The following CD8B2 variants were observed in gnomAD, a reference collection of about 807,000 sequenced individuals.
CD8B2 encodes the protein T-cell surface glycoprotein CD8 beta-2 chain.
Under a neutral mutation model 23.7 loss-of-function variants are expected in CD8B2, and 11 were observed. The ratio of observed to expected loss-of-function variants is 0.46; its 90% CI spans 0.29 to 0.77. The LOEUF (loss-of-function observed/expected upper bound fraction) is 0.77. Ranked by LOEUF, CD8B2 falls within the 30% of genes least tolerant of loss-of-function variation. The pLI, the probability that CD8B2 is intolerant of heterozygous loss-of-function variation, is 0.09. For synonymous variants in CD8B2, 90 were observed against 109.3 expected, an observed-to-expected ratio of 0.82 and a Z score of 1.10; for missense variants, 197 against 270.5, an observed-to-expected ratio of 0.73 and a Z score of 1.91.
At chr2:106,490,410 T>TC (rs1679171036) in intron 1 of CD8B2, among the ~76,000 whole-genome samples, 1 of 152,092 alleles carries the variant, frequency 6.6e-6, no homozygotes, top group Non-Finnish European at 1.5e-5. Flanking sequence ...GCCTATAGTC[T>TC]CAGCTACTTG....
chr2:106,520,117 C>G (rs1025701340), intron 5 of CD8B2, among the ~76,000 whole-genome samples: 1 of 152,208 alleles, frequency 6.6e-6, no homozygotes, highest in African/African-American at 2.4e-5. Context: ...TCCAAACACT[C>G]TCTCTCACGA....
chr2:106,533,989 T>A (rs1680048637), intron 5 of CD8B2, among the ~76,000 whole-genome samples: 1 of 152,242 alleles, frequency 6.6e-6, no homozygotes, highest in Non-Finnish European at 1.5e-5. Flanking sequence ...GAGCACTTAC[T>A]ATGTGGCAAG....
intron 5 of CD8B2, among the ~76,000 whole-genome samples, chr2:106,534,110 G>A (rs924832732): frequency 6.6e-6 from 1 of 152,202 alleles, no homozygotes; most frequent in Non-Finnish European, 1.5e-5. Context: ...TGGGTGGAGC[G>A]AGGCCTGGGC....
intron 5 of CD8B2, among the ~76,000 whole-genome samples, chr2:106,539,825 T>TG (rs556475612): frequency 2.4e-4 from 37 of 152,120 alleles, no homozygotes; most frequent in Admixed American, 3.9e-4. Context: ...CTTTGCCAAG[T>TG]GGGAAAAAAA....
Position 106,510,104 on chromosome 2 carries a change from A to G in CD8B2, c.*3164A>G, listed in dbSNP as rs1003116955. 6.6e-6 allele frequency: 1 copy of G among 152,240 alleles called. No homozygotes were observed. Among genetic ancestry groups the G allele is most frequent in the African/African-American group, 2.4e-5 (1 of 41,476 alleles). 9.4% of individuals were successfully genotyped at this position (152,240 alleles called of 1,614,324 possible). A position where few individuals can be genotyped will look rare whatever the true frequency, so the allele number is the denominator to read the frequency against. On this transcript the variant is annotated 3_prime_UTR_variant, in exon 6 of 6. Transcript: ENST00000643224. Reference sequence around the variant, plus strand: ...CTGTATAGATTATTCTTAATACAATATATGGCGCAATACGTAGTCACTGTT... The same window carrying G: ...CTGTATAGATTATTCTTAATACAATGTATGGCGCAATACGTAGTCACTGTT...
chr2:106,525,567 G>A (rs1305854586), intron 5 of CD8B2, among the ~76,000 whole-genome samples: 1 of 152,172 alleles, frequency 6.6e-6, no homozygotes. Context: ...TATAGATAGT[G>A]TTCTACCACG....
intron 3 of CD8B2, among the ~76,000 whole-genome samples, chr2:106,502,184 T>C (rs1679420332): frequency 6.7e-6 from 1 of 148,570 alleles, no homozygotes; most frequent in Non-Finnish European, 1.5e-5. Flanking sequence ...TAATCCCAGC[T>C]ACTCGGGAGG....
At chr2:106,524,144 T>C (rs1679872878) in intron 5 of CD8B2, among the ~76,000 whole-genome samples, 1 of 152,294 alleles carries the variant, frequency 6.6e-6, no homozygotes, top group Middle Eastern at 3.4e-3. Context: ...TTGCTAGAGA[T>C]AGTGGCTTGA....
At chr2:106,535,867 G>A (rs1005134785) in intron 5 of CD8B2, among the ~76,000 whole-genome samples, 1 of 152,066 alleles carries the variant, frequency 6.6e-6, no homozygotes, top group African/African-American at 2.4e-5. Context: ...GAGGGTTAAT[G>A]GGCTGACAGT....
Position 106,502,294 on chromosome 2 carries a change from CAAA to C in CD8B2, c.494-157_494-155del, listed in dbSNP as rs547491786. Among the ~76,000 whole-genome samples the C allele has an allele frequency of 1.4e-4, 10 of 69,462 alleles. 1 individual carries two copies. In the Middle Eastern group the frequency reaches 0.031, roughly 217 times the overall value. The allele number at this position is 69,462 out of a possible 152,430, so 45.6% of individuals were successfully genotyped here. A position where few individuals can be genotyped will look rare whatever the true frequency, so the allele number is the denominator to read the frequency against. ...TGGGTGACAGAGCAAGACTCTGTCT[CAAA>C]AAAAAAAAAAAAAAAAAAAAAAGAC... On this transcript the variant is annotated intron_variant, in intron 3 of 5. Transcript: ENST00000643224.
intron 3 of CD8B2, among the ~76,000 whole-genome samples, chr2:106,500,755 T>C (rs1197246862): frequency 6.6e-6 from 1 of 152,004 alleles, no homozygotes; most frequent in Non-Finnish European, 1.5e-5. Context: ...CCTCAGCTAC[T>C]CAAGGGACCA....
chr2:106,517,744 G>C (rs1040638308), intron 5 of CD8B2, among the ~76,000 whole-genome samples: 1 of 151,506 alleles, frequency 6.6e-6, no homozygotes, highest in Non-Finnish European at 1.5e-5. Flanking sequence ...ACAGGGTGTC[G>C]CTCCGTCGCC....
chr2:106,544,187 G>T (rs1346941808), exon 6 of CD8B2: 1 of 397,432 alleles, frequency 2.5e-6, no homozygotes, highest in East Asian at 3.6e-5. Context: ...TCCTGAAGCT[G>T]CATGGGAGTT....
At chr2:106,514,538 C>T (rs961486940), downstream of CD8B2, among the ~76,000 whole-genome samples, 138 of 151,520 alleles carry the variant, frequency 9.1e-4, no homozygotes, top group African/African-American at 3.2e-3. Context: ...CCTCCTGCCT[C>T]GGCCTCCCAA....
intron 5 of CD8B2, among the ~76,000 whole-genome samples, chr2:106,538,635 C>T (rs568481892): frequency 6.6e-6 from 1 of 152,294 alleles, no homozygotes; most frequent in South Asian, 2.1e-4. Flanking sequence ...CCCTTCCCCA[C>T]CTCCTACTCC....
chr2:106,536,884 C>T (rs1198968657), intron 5 of CD8B2, among the ~76,000 whole-genome samples: 3 of 152,226 alleles, frequency 2.0e-5, no homozygotes, highest in Non-Finnish European at 4.4e-5. Context: ...ACTGACAGCT[C>T]TGTTACCCCT....
chr2:106,498,583 G>A (rs1316240020), intron 3 of CD8B2, among the ~76,000 whole-genome samples: 1 of 152,154 alleles, frequency 6.6e-6, no homozygotes, highest in African/African-American at 2.4e-5. Context: ...TGGGTGTGGG[G>A]AAAGTAGGTG....
chr2:106,515,785 C>T (rs1208497122), downstream of CD8B2, among the ~76,000 whole-genome samples: 1 of 151,962 alleles, frequency 6.6e-6, no homozygotes, highest in Admixed American at 6.6e-5. Flanking sequence ...CTTCTGAACA[C>T]ATCTCCTTCC....
At chr2:106,497,088 C>T (rs1679314353) in intron 3 of CD8B2, among the ~76,000 whole-genome samples, 1 of 152,130 alleles carries the variant, frequency 6.6e-6, no homozygotes, top group Non-Finnish European at 1.5e-5. Context: ...CCAGCCTGGG[C>T]AACACGGTGA....
Sources: allele counts gnomAD v4.1 joint callset (sites outside exome capture counted in the v4.1 genomes callset), GRCh38; gene constraint gnomAD v4.1.1; transcripts MANE v1.5; gene names NCBI Gene and HGNC (gene_info 2026-07-23, HGNC 2026-07-21).